The following GRIP1 variants were observed in gnomAD, a reference collection of about 807,000 sequenced individuals.
GRIP1 encodes glutamate receptor interacting protein 1.
In GRIP1, 45 loss-of-function variants were observed where a neutral mutation model predicts 129.9. The observed-to-expected ratio is 0.35, with a 90% CI of 0.27 to 0.44. The LOEUF (loss-of-function observed/expected upper bound fraction) is 0.44. Ranked by LOEUF, GRIP1 falls within the 20% of genes least tolerant of loss-of-function variation. The pLI is 1.00. For missense variants in GRIP1, 1,196 were observed against 1,396.8 expected (o/e 0.86, Z 2.29); for synonymous variants, 530 against 520.8 (o/e 1.02, Z -0.24).
At chr12:66,840,417 T>C (rs931525255) in intron 1 of GRIP1, among the ~76,000 whole-genome samples, 1 of 152,132 alleles carries the variant, frequency 6.6e-6, no homozygotes, top group African/African-American at 2.4e-5. Flanking sequence ...GGGGAATGAC[T>C]ACAAAACAAC....
chr12:66,761,153 C>T (rs890416359), intron 1 of GRIP1, among the ~76,000 whole-genome samples: 8 of 152,014 alleles, frequency 5.3e-5, no homozygotes, highest in African/African-American at 1.9e-4. Flanking sequence ...TCCTGCTTGA[C>T]TCCACTGTAA....
At chr12:66,453,373 C>G (rs1454579069) in intron 11 of GRIP1, among the ~76,000 whole-genome samples, 1 of 152,130 alleles carries the variant, frequency 6.6e-6, no homozygotes, top group Non-Finnish European at 1.5e-5. Context: ...GTTTTTGTCA[C>G]TGAGGAGTAC....
intron 7 of GRIP1, among the ~76,000 whole-genome samples, chr12:66,501,912 G>A (rs540602619): frequency 2.0e-4 from 30 of 152,292 alleles, no homozygotes; most frequent in African/African-American, 7.0e-4. Context: ...AGAATGCTGG[G>A]AAGTAATCTT....
chr12:66,922,960 A>G (rs2041237274), intron 1 of GRIP1, among the ~76,000 whole-genome samples: 1 of 152,198 alleles, frequency 6.6e-6, no homozygotes, highest in Non-Finnish European at 1.5e-5. Context: ...CAAAATCCCT[A>G]GAAAAAAATA....
chr12:66,903,126 A>G (rs2040870004), intron 1 of GRIP1, among the ~76,000 whole-genome samples: 1 of 152,204 alleles, frequency 6.6e-6, no homozygotes, highest in African/African-American at 2.4e-5. Flanking sequence ...ATTCACTTTA[A>G]TGACTGGGAA....
At chr12:66,787,736 C>G (rs1362451208) in intron 1 of GRIP1, among the ~76,000 whole-genome samples, 1 of 152,080 alleles carries the variant, frequency 6.6e-6, no homozygotes, top group African/African-American at 2.4e-5. Context: ...TGCCCAAGCT[C>G]CAGAACTATG....
At position 66,379,381 on chromosome 12, in the gene GRIP1, T is replaced by G; in HGVS notation, c.2520A>C (p.Pro840=). 6.2e-7 allele frequency: 1 copy of G among 1,614,172 alleles called. No homozygotes were observed. Among genetic ancestry groups the G allele is most frequent in the Non-Finnish European group, 8.5e-7 (1 of 1,179,974 alleles). ...CTGGGGACAAGCTGCCTCTCTGTTT[T>G]GGACTCCTCCAGTCATAGGTGTTGA... is the stretch of plus-strand genomic sequence containing the variant. ...YNFNTYDWRS[P]KQRGSLSPVT... Residue 840 remains proline (P), a synonymous_variant, in exon 20 of 25, where the codon CCA becomes CCC. Coordinates refer to ENST00000359742, the MANE Select transcript of GRIP1 (RefSeq NM_001366722.1).
chr12:66,427,600 T>C (rs1451460363), intron 14 of GRIP1, among the ~76,000 whole-genome samples: 5 of 152,084 alleles, frequency 3.3e-5, no homozygotes, highest in Non-Finnish European at 7.4e-5. Context: ...TATATTAACA[T>C]ATGTTCTTAT....
chr12:66,682,855 C>T (rs1234923052), upstream of GRIP1, among the ~76,000 whole-genome samples: 1 of 152,122 alleles, frequency 6.6e-6, no homozygotes, highest in African/African-American at 2.4e-5. Context: ...AAATAATTTG[C>T]ACTTTCTTCA....
chr12:66,950,128 C>G (rs1416283171), intron 1 of GRIP1, among the ~76,000 whole-genome samples: 1 of 152,094 alleles, frequency 6.6e-6, no homozygotes, highest in African/African-American at 2.4e-5. Context: ...CTATTCAGAA[C>G]TCCATCAAAT....
intron 13 of GRIP1, among the ~76,000 whole-genome samples, chr12:66,436,244 CCA>C (rs1265005081): frequency 2.0e-5 from 3 of 152,152 alleles, no homozygotes; most frequent in Non-Finnish European, 4.4e-5. Context: ...AAGATAACAA[CCA>C]CACCGTAATT....
intron 1 of GRIP1, among the ~76,000 whole-genome samples, chr12:67,038,218 G>T (rs1445404928): frequency 3.3e-5 from 5 of 152,200 alleles, no homozygotes; most frequent in Non-Finnish European, 5.9e-5. Context: ...GGAAGAAATT[G>T]AGCAGAAACA....
chr12:66,379,497 A>G, intron 19 of GRIP1, 61 bp from the exon 20 acceptor site: 1 of 1,528,024 alleles, frequency 6.5e-7, no homozygotes, highest in Non-Finnish European at 9.1e-7. Flanking sequence ...TTGAGAAATG[A>G]CATTGTTAAC....
At chr12:66,739,091 C>T (rs569390959) in intron 1 of GRIP1, among the ~76,000 whole-genome samples, 10 of 152,182 alleles carry the variant, frequency 6.6e-5, no homozygotes, top group African/African-American at 1.9e-4. Context: ...GCTCTGGTCA[C>T]GATAAAATTC....
intron 4 of GRIP1, among the ~76,000 whole-genome samples, chr12:66,538,848 C>T (rs565092013): frequency 6.6e-6 from 1 of 152,284 alleles, no homozygotes; most frequent in African/African-American, 2.4e-5. Flanking sequence ...AGCAATCCTC[C>T]TGCCTCAGCC....
intron 1 of GRIP1, among the ~76,000 whole-genome samples, chr12:67,062,869 C>T (rs2135894103): frequency 6.6e-6 from 1 of 152,234 alleles, no homozygotes. Flanking sequence ...TAGTTTTTCA[C>T]AAAACATTAG....
intron 1 of GRIP1, among the ~76,000 whole-genome samples, chr12:66,867,291 A>G (rs1016600373): frequency 6.6e-6 from 1 of 152,162 alleles, no homozygotes; most frequent in Non-Finnish European, 1.5e-5. Context: ...GCCCAATCTC[A>G]TATTTTATTA....
intron 1 of GRIP1, among the ~76,000 whole-genome samples, chr12:66,690,371 T>TACACACAC (rs112206335): frequency 2.3e-3 from 347 of 147,892 alleles, no homozygotes; most frequent in African/African-American, 8.2e-3. Flanking sequence ...TCAATAATAT[T>TACACACAC]ACACACACAC....
At chr12:66,842,075 T>C (rs1000984983) in intron 1 of GRIP1, among the ~76,000 whole-genome samples, 14 of 152,248 alleles carry the variant, frequency 9.2e-5, no homozygotes, top group African/African-American at 2.2e-4. Context: ...AGTCCCCTTA[T>C]TGAGGACATA....
Sources: gnomAD v4.1 joint callset for allele counts (sites outside exome capture counted in the v4.1 genomes callset) on GRCh38, gnomAD v4.1.1 for gene constraint, MANE v1.5 for transcripts, NCBI Gene and HGNC (gene_info 2026-07-23, HGNC 2026-07-21) for gene names.